CAMK2D: variants seen among roughly 807,000 people sequenced by gnomAD.
The protein encoded by CAMK2D is calcium/calmodulin dependent protein kinase II delta, also known as calcium/calmodulin-dependent protein kinase type II subunit delta.
In CAMK2D, 37 loss-of-function variants were observed where a neutral mutation model predicts 84.0. The ratio of observed to expected loss-of-function variants is 0.44; its 90% CI spans 0.34 to 0.58. The LOEUF is 0.58. CAMK2D is among the 20% of genes least tolerant of loss of function. The probability of loss-of-function intolerance (pLI) is 0.02; values close to 1 mark genes in which losing one functional copy is unlikely to be tolerated. For missense variants in CAMK2D, 448 were observed against 652.5 expected (o/e 0.69, Z 3.41); for synonymous variants, 202 against 212.5 (o/e 0.95, Z 0.43).
chr4:113,742,713 G>A (rs775960963), intron 2 of CAMK2D, among the ~76,000 whole-genome samples: 7 of 151,914 alleles, frequency 4.6e-5, no homozygotes, highest in African/African-American at 1.7e-4. Flanking sequence ...AGCCCCAATC[G>A]TCACAGTCAC....
At position 113,537,457 on chromosome 4, in the gene CAMK2D, GAA is replaced by G. The variant is rs368611529; in HGVS notation, c.415-16_415-15del. ...CAAATTCTCAGGCTTTATTTAGAAA[GAA>G]AAAAAAAGAGACTGAAGTGAGAACC... On this transcript the variant is annotated splice_polypyrimidine_tract_variant and intron_variant, in intron 6 of 20. Coordinates refer to ENST00000511664, the MANE Select transcript of CAMK2D (RefSeq NM_001321571.2). The G allele has an allele frequency of 1.4e-6, 2 of 1,417,276 alleles. No homozygotes were observed. The highest frequency in any genetic ancestry group is 1.9e-5 in the Admixed American group (1 of 52,632). 87.8% of individuals were successfully genotyped at this position (1,417,276 alleles called of 1,614,324 possible).
intron 12 of CAMK2D, among the ~76,000 whole-genome samples, chr4:113,511,419 A>G (rs1375592076): frequency 6.6e-6 from 1 of 152,208 alleles, no homozygotes; most frequent in Non-Finnish European, 1.5e-5. Context: ...GTAAACAAAA[A>G]GCTTCTATAT....
intron 2 of CAMK2D, among the ~76,000 whole-genome samples, chr4:113,720,834 T>C (rs937180917): frequency 5.9e-5 from 9 of 152,140 alleles, no homozygotes; most frequent in Admixed American, 1.3e-4. Flanking sequence ...ACATTTAGCA[T>C]ATTCTGTTTC....
At chr4:113,666,364 A>G (rs1185980346) in intron 2 of CAMK2D, among the ~76,000 whole-genome samples, 2 of 152,126 alleles carry the variant, frequency 1.3e-5, no homozygotes, top group Non-Finnish European at 2.9e-5. Flanking sequence ...TATATAAAAG[A>G]ATTTCATCTT....
At chr4:113,583,706 G>A (rs1080289) in intron 4 of CAMK2D, among the ~76,000 whole-genome samples, 106,812 of 152,016 alleles carry the variant, frequency 0.7, 37,718 homozygotes, top group Middle Eastern at 0.75. Context: ...CTTATATACA[G>A]TTACCCTTAT....
At chr4:113,659,913 G>A (rs2099221174) in intron 3 of CAMK2D, among the ~76,000 whole-genome samples, 1 of 152,094 alleles carries the variant, frequency 6.6e-6, no homozygotes, top group African/African-American at 2.4e-5. Flanking sequence ...GTAACTTGTT[G>A]AGTGAGTGAA....
chr4:113,638,824 T>C (rs1199348415), intron 3 of CAMK2D, among the ~76,000 whole-genome samples: 2 of 152,162 alleles, frequency 1.3e-5, no homozygotes, highest in Non-Finnish European at 2.9e-5. Context: ...GAGACAATTG[T>C]GGTAAGGTGG....
chr4:113,574,850 C>T (rs2098772782), intron 4 of CAMK2D, among the ~76,000 whole-genome samples: 1 of 152,150 alleles, frequency 6.6e-6, no homozygotes, highest in Admixed American at 6.5e-5. Context: ...TAAATGAAAA[C>T]ATTAATCCCA....
chr4:113,660,761 T>C (rs1212109141), intron 3 of CAMK2D, among the ~76,000 whole-genome samples: 2 of 151,852 alleles, frequency 1.3e-5, no homozygotes, highest in African/African-American at 4.8e-5. Context: ...AATCCTGTCT[T>C]TCCATACTTC....
At chr4:113,660,657 CT>C (rs1439917324) in intron 3 of CAMK2D, among the ~76,000 whole-genome samples, 5 of 152,108 alleles carry the variant, frequency 3.3e-5, no homozygotes, top group African/African-American at 1.2e-4. Context: ...CTCCAAAGTG[CT>C]GGGATTATAG....
intron 4 of CAMK2D, among the ~76,000 whole-genome samples, chr4:113,606,417 CAG>C (rs2098977525): frequency 6.6e-6 from 1 of 151,364 alleles, no homozygotes; most frequent in Admixed American, 6.6e-5. Context: ...TTGCAGTGAG[CAG>C]AGATCGCGCC....
chr4:113,460,036 C>A, intron 18 of CAMK2D, 111 bp downstream of exon 18: 2 of 706,838 alleles, frequency 2.8e-6, no homozygotes, highest in South Asian at 3.2e-5. Context: ...GTTTCAAATG[C>A]TGGATGAAGG....
At chr4:113,720,592 T>C (rs752023494) in intron 2 of CAMK2D, among the ~76,000 whole-genome samples, 8 of 152,006 alleles carry the variant, frequency 5.3e-5, no homozygotes, top group Non-Finnish European at 1.2e-4. Flanking sequence ...AAAAAGCTAA[T>C]ATCAAATTAA....
At chr4:113,632,325 G>A (rs909249037) in intron 3 of CAMK2D, among the ~76,000 whole-genome samples, 1 of 151,978 alleles carries the variant, frequency 6.6e-6, no homozygotes, top group African/African-American at 2.4e-5. Context: ...CTGGGTTTAA[G>A]CGATTCTCCT....
chr4:113,577,257 T>A (rs2098787643), intron 4 of CAMK2D, among the ~76,000 whole-genome samples: 1 of 152,210 alleles, frequency 6.6e-6, no homozygotes, highest in Non-Finnish European at 1.5e-5. Flanking sequence ...CAGATTCATG[T>A]TCTGATTCAA....
intron 2 of CAMK2D, among the ~76,000 whole-genome samples, chr4:113,738,955 G>A (rs1187747385): frequency 1.3e-5 from 2 of 152,004 alleles, no homozygotes; most frequent in Non-Finnish European, 2.9e-5. Context: ...TTTTTGATTT[G>A]TAAAAATAAA....
chr4:113,551,025 T>A (rs897571206), intron 5 of CAMK2D, among the ~76,000 whole-genome samples: 1 of 152,122 alleles, frequency 6.6e-6, no homozygotes, highest in Admixed American at 6.6e-5. Context: ...TACAATGGGA[T>A]TAGCAAGCCT....
At chr4:113,651,180 T>G (rs1355073174) in intron 3 of CAMK2D, among the ~76,000 whole-genome samples, 1 of 152,192 alleles carries the variant, frequency 6.6e-6, no homozygotes, top group African/African-American at 2.4e-5. Context: ...TTTACTTTCC[T>G]TCAACATAGA....
At chr4:113,474,501 T>C (rs2097581837) in intron 16 of CAMK2D, among the ~76,000 whole-genome samples, 1 of 39,664 alleles carries the variant, frequency 2.5e-5, no homozygotes, top group African/African-American at 1.6e-4. Context: ...TTTTGGCCTT[T>C]TTTTTTTTTT....
Sources: gnomAD v4.1 joint callset for allele counts (sites outside exome capture counted in the v4.1 genomes callset) on GRCh38, gnomAD v4.1.1 for gene constraint, MANE v1.5 for transcripts, NCBI Gene and HGNC (gene_info 2026-07-23, HGNC 2026-07-21) for gene names.